Variants in RASGEF1B observed in about 807,000 individuals in gnomAD.
RASGEF1B encodes the protein RasGEF domain family member 1B.
RASGEF1B carries 30 observed loss-of-function variants against 65.7 expected under a neutral mutation model. That is an observed-to-expected ratio of 0.46 (90% CI 0.34 to 0.62). RASGEF1B has a LOEUF of 0.62. Among genes scored for constraint, RASGEF1B ranks in the 20% least tolerant of loss-of-function variants. RASGEF1B has a pLI of 0.01. For synonymous variants in RASGEF1B, 175 were observed against 194.8 expected (o/e 0.90, Z 0.85); for missense variants, 495 against 580.1 (o/e 0.85, Z 1.51).
At position 81,440,876 on chromosome 4, in the gene RASGEF1B, C is replaced by T. The variant is rs1443650356; in HGVS notation, c.1062G>A (p.Gly354=). The part of the protein sequence containing the change: ...NFYNYRTALR[G]AAQRSLTAHS... The stretch of plus-strand genomic sequence containing the variant: ...GAGCAGTTAAAGACCTTTGTGCTGC[C>T]CCACGAAGAGCTGTTCGATAATTAT... Residue 354 remains glycine, a synonymous_variant, in exon 10 of 14, where the codon GGG becomes GGA. Coordinates refer to ENST00000264400, the MANE Select transcript of RASGEF1B (RefSeq NM_152545.3). 2 of 1,613,036 alleles carry T rather than the reference C, an allele frequency of 1.2e-6. No homozygotes were observed. The highest frequency in any genetic ancestry group is 3.3e-5 in the Admixed American group (2 of 59,982).
At position 81,427,494 on chromosome 4, in the gene RASGEF1B, T is replaced by G; in HGVS notation, c.*274A>C. 1 of 407,716 alleles carries G rather than the reference T, an allele frequency of 2.5e-6. No individual in the cohort carries two copies. Among genetic ancestry groups the G allele is most frequent in the Non-Finnish European group, 4.3e-6 (1 of 231,452 alleles). 25.3% of individuals were successfully genotyped at this position (407,716 alleles called of 1,614,324 possible). A position where few individuals can be genotyped will look rare whatever the true frequency, so the allele number is the denominator to read the frequency against. On this transcript the variant is annotated 3_prime_UTR_variant, in exon 14 of 14. Transcript: ENST00000264400. Reference sequence around the variant, plus strand: ...TGATTCACATGGAAATTCCAGGAGATGAATAATGTGCAGAGCCGGGATTTT... The same window carrying G: ...TGATTCACATGGAAATTCCAGGAGAGGAATAATGTGCAGAGCCGGGATTTT...
chr4:81,467,730 C>T (rs1368882014), intron 1 of RASGEF1B, among the ~76,000 whole-genome samples: 1 of 152,130 alleles, frequency 6.6e-6, no homozygotes. Flanking sequence ...CTATACAGCT[C>T]ATACTGTACA....
rs1721265466 is a variant in RASGEF1B at position 81,427,422 on chromosome 4, A to G, written c.*346T>C. 3.8e-6 allele frequency: 1 copy of G among 260,002 alleles called. No homozygotes were observed. 16.1% of individuals were successfully genotyped at this position (260,002 alleles called of 1,614,324 possible). ...AGCAGCAAATGTTCAACCAAATTAA[A>G]AAAAACACACACACACAAAAGAAAA... On this transcript the variant is annotated 3_prime_UTR_variant, in exon 14 of 14. Transcript: ENST00000264400.
At chr4:81,442,108 A>G (rs550500554) in intron 9 of RASGEF1B, among the ~76,000 whole-genome samples, 189 bp downstream of exon 9, 6 of 152,330 alleles carry the variant, frequency 3.9e-5, no homozygotes, top group Non-Finnish European at 5.9e-5. Flanking sequence ...ATCTCTACCT[A>G]TAAAGCAACC....
At chr4:81,441,318 T>C (rs1275361858) in intron 9 of RASGEF1B, among the ~76,000 whole-genome samples, 2 of 152,142 alleles carry the variant, frequency 1.3e-5, no homozygotes, top group Non-Finnish European at 2.9e-5. Context: ...TGACAAATCA[T>C]GCACAAATAA....
In RASGEF1B at chr4:81,458,553, T is replaced by C. The variant is rs1444892; in HGVS notation, c.177+779A>G. On this transcript the variant is annotated intron_variant, in intron 2 of 13. Transcript: ENST00000264400. ...AATTTATAAAGACAAATGAATGTAG[T>C]CTCTAGATATTTTCATGAGATCTTT... Among the ~76,000 whole-genome samples the C allele has an allele frequency of 4.8e-3, 726 of 152,296 alleles. 5 individuals are homozygous for C. In the Middle Eastern group the frequency reaches 0.054, roughly 11 times the overall value.
chr4:81,446,266 C>T (rs1307055725), intron 6 of RASGEF1B, among the ~76,000 whole-genome samples: 1 of 152,172 alleles, frequency 6.6e-6, no homozygotes, highest in Non-Finnish European at 1.5e-5. Context: ...ATCCCAGCTA[C>T]TTGGGAGGCT....
chr4:81,440,296 A>G (rs1041539374), intron 10 of RASGEF1B, among the ~76,000 whole-genome samples: 20 of 152,192 alleles, frequency 1.3e-4, no homozygotes, highest in Admixed American at 1.3e-3. Context: ...TTTTAAGAGT[A>G]GGGTAGAGTG....
intron 1 of RASGEF1B, among the ~76,000 whole-genome samples, chr4:81,471,422 G>C (rs1723018624): frequency 6.6e-6 from 1 of 152,218 alleles, no homozygotes; most frequent in Non-Finnish European, 1.5e-5. Flanking sequence ...AAAGAGGGAA[G>C]GCACAACCCA....
chr4:81,449,011 A>C (rs781609001), intron 4 of RASGEF1B, among the ~76,000 whole-genome samples: 1 of 152,004 alleles, frequency 6.6e-6, no homozygotes, highest in Non-Finnish European at 1.5e-5. Flanking sequence ...ATGGGGTTTC[A>C]CTATGTTGGC....
In RASGEF1B at chr4:81,435,695, T is replaced by G. The variant is rs537137244; in HGVS notation, c.1105-961A>C. Among the ~76,000 whole-genome samples, 148 of 149,530 alleles carry G rather than the reference T, an allele frequency of 9.9e-4. 1 individual carries two copies. Among genetic ancestry groups the G allele is most frequent in the African/African-American group, 3.4e-3 (139 of 40,740 alleles). ...TTTCACCGTGTTAGCCAGGATGGTC[T>G]CGATCTCCTGACCTTGTGATCCGCC... On this transcript the variant is annotated intron_variant, in intron 10 of 13. Transcript: ENST00000264400.
At chr4:81,440,686 G>T in intron 10 of RASGEF1B, 148 bp downstream of exon 10, 1 of 549,942 alleles carries the variant, frequency 1.8e-6, no homozygotes. Context: ...CTCCTTCTCT[G>T]TGTGTCAAGT....
At chr4:81,447,444 A>G in intron 6 of RASGEF1B, 60 bp downstream of exon 6, 7 of 1,252,592 alleles carry the variant, frequency 5.6e-6, no homozygotes, top group Non-Finnish European at 8.2e-6. Context: ...TATACCCACT[A>G]TCATAGACTG....
chr4:81,458,394 A>G (rs1033832494), intron 2 of RASGEF1B, among the ~76,000 whole-genome samples: 2 of 152,210 alleles, frequency 1.3e-5, no homozygotes, highest in Admixed American at 6.5e-5. Flanking sequence ...ACTTTTGACT[A>G]CAAGTTTTCC....
chr4:81,460,013 G>A (rs1560710075), intron 1 of RASGEF1B, among the ~76,000 whole-genome samples: 1 of 152,206 alleles, frequency 6.6e-6, no homozygotes, highest in Non-Finnish European at 1.5e-5. Flanking sequence ...TAGGCCTAGA[G>A]TTGAAGTATA....
At chr4:81,442,204 G>A in intron 9 of RASGEF1B, 93 bp downstream of exon 9, 2 of 844,506 alleles carry the variant, frequency 2.4e-6, no homozygotes, top group Non-Finnish European at 4.1e-6. Flanking sequence ...TTTTTCCTCT[G>A]TCGTAGTCTG....
At chr4:81,470,240 G>A (rs1560715437) in intron 1 of RASGEF1B, among the ~76,000 whole-genome samples, 1 of 152,090 alleles carries the variant, frequency 6.6e-6, no homozygotes, top group Non-Finnish European at 1.5e-5. Context: ...ATTAAAGAAA[G>A]CAACTCTATA....
rs976718545 is a variant in RASGEF1B at position 81,466,542 on chromosome 4, A to G, written c.-7+5228T>C. Among the ~76,000 whole-genome samples the G allele has an allele frequency of 4.0e-5, 6 of 151,898 alleles. No individual in the cohort carries two copies. In the South Asian group the frequency reaches 8.3e-4, roughly 21 times the overall value. ...TGGGAGGCTGAGGTGGGCAGATCAC[A>G]AAGTCAGCAGATCGAGACCATCCTG... On this transcript the variant is annotated intron_variant, in intron 1 of 13. Coordinates refer to ENST00000264400, the MANE Select transcript of RASGEF1B (RefSeq NM_152545.3).
chr4:81,442,443 A>G, intron 8 of RASGEF1B, 67 bp from the exon 9 acceptor site: 1 of 875,164 alleles, frequency 1.1e-6, no homozygotes, highest in South Asian at 1.4e-5. Flanking sequence ...AAAACGATAA[A>G]CACATACTTC....
Sources: allele counts gnomAD v4.1 joint callset (sites outside exome capture counted in the v4.1 genomes callset), GRCh38; gene constraint gnomAD v4.1.1; transcripts MANE v1.5; gene names NCBI Gene and HGNC (gene_info 2026-07-23, HGNC 2026-07-21).